CDON: variants seen among roughly 807,000 people sequenced by gnomAD.
CDON encodes cell adhesion molecule-related/down-regulated by oncogenes.
CDON carries 73 observed loss-of-function variants against 120.9 expected under a neutral mutation model. The ratio of observed to expected loss-of-function variants is 0.60; its 90% CI spans 0.50 to 0.73. The LOEUF is 0.73. Among genes scored for constraint, CDON ranks in the 30% least tolerant of loss-of-function variants. The pLI is 0.00. For missense variants in CDON, 1,470 were observed against 1,587.3 expected (o/e 0.93, Z 1.26); for synonymous variants, 566 against 573.5 (o/e 0.99, Z 0.19).
intron 1 of CDON, among the ~76,000 whole-genome samples, chr11:126,025,627 A>C (rs1263449097): frequency 6.6e-6 from 1 of 152,180 alleles, no homozygotes; most frequent in African/African-American, 2.4e-5. Context: ...CAAGAATGTG[A>C]GCAAAAATCA....
intron 9 of CDON, 112 bp downstream of exon 9, chr11:126,005,647 G>T (rs554439131): frequency 2.0e-6 from 2 of 993,858 alleles, no homozygotes; most frequent in South Asian, 1.3e-5. Flanking sequence ...CATCAGTCTG[G>T]AAGACTCTTG....
At chr11:126,038,281 T>A (rs1196918411) in intron 1 of CDON, among the ~76,000 whole-genome samples, 1 of 152,138 alleles carries the variant, frequency 6.6e-6, no homozygotes, top group Admixed American at 6.5e-5. Context: ...ATCTGTAGAA[T>A]TCTGGAAAGA....
chr11:126,026,077 A>C (rs1004346224), intron 1 of CDON, among the ~76,000 whole-genome samples: 5 of 152,256 alleles, frequency 3.3e-5, no homozygotes, highest in African/African-American at 1.2e-4. Flanking sequence ...CCTAGCAGAA[A>C]GTAGCTTTTT....
intron 6 of CDON, 34 bp from the exon 7 acceptor site, chr11:126,015,544 C>T (rs373982444): frequency 2.7e-5 from 44 of 1,607,008 alleles, no homozygotes; most frequent in Non-Finnish European, 3.5e-5. Flanking sequence ...AACTCTAGCC[C>T]TCAAAATGTA....
At chr11:125,981,357 C>T (rs1946292242) in intron 16 of CDON, 28 bp from the exon 17 acceptor site, 10 of 1,362,664 alleles carry the variant, frequency 7.3e-6, no homozygotes, top group African/African-American at 1.4e-5. Flanking sequence ...AAAAGACACA[C>T]ACGCACACAC....
chr11:125,992,236 C>T (rs1419767389), intron 14 of CDON, among the ~76,000 whole-genome samples: 1 of 152,136 alleles, frequency 6.6e-6, no homozygotes, highest in Non-Finnish European at 1.5e-5. Flanking sequence ...GGAGGACAAT[C>T]ACTATTAGGT....
chr11:125,983,771 T>C (rs1014934633), intron 16 of CDON, 101 bp downstream of exon 16: 3 of 869,824 alleles, frequency 3.4e-6, no homozygotes, highest in Admixed American at 4.0e-5. Flanking sequence ...TTTCATACCA[T>C]GACACTAATA....
intron 1 of CDON, among the ~76,000 whole-genome samples, chr11:126,024,248 CTTAGAGGACACAGAGAAGGGGAATGATG>C (rs1000179138): frequency 4.0e-4 from 61 of 152,264 alleles, no homozygotes; most frequent in African/African-American, 1.5e-3. Flanking sequence ...AGAGCAAACC[CTTAGAGGACACAGAGAAGGGGAATGATG>C]TAATGTTATT....
At chr11:126,035,873 C>T (rs1948080244) in intron 1 of CDON, among the ~76,000 whole-genome samples, 1 of 152,018 alleles carries the variant, frequency 6.6e-6, no homozygotes, top group African/African-American at 2.4e-5. Flanking sequence ...CAGAAAAGCC[C>T]GAGAAGTGGC....
At chr11:126,001,884 A>T (rs770052141) in intron 10 of CDON, 34 bp from the exon 11 acceptor site, 2 of 1,490,810 alleles carry the variant, frequency 1.3e-6, no homozygotes, top group Non-Finnish European at 1.9e-6. Context: ...CAGTAACATA[A>T]GCATATATGT....
intron 9 of CDON, 43 bp downstream of exon 9, chr11:126,005,716 T>C: frequency 6.4e-7 from 1 of 1,573,972 alleles, no homozygotes; most frequent in Non-Finnish European, 8.7e-7. Flanking sequence ...ACAAAGAACG[T>C]TCAGGTGTGA....
chr11:125,972,434 AC>A (rs1946028956), intron 18 of CDON, among the ~76,000 whole-genome samples: 1 of 152,092 alleles, frequency 6.6e-6, no homozygotes, highest in Non-Finnish European at 1.5e-5. Context: ...CTCAAAAAAA[AC>A]AAAAGAAAAT....
intron 1 of CDON, among the ~76,000 whole-genome samples, chr11:126,042,558 C>A (rs932740880): frequency 9.9e-5 from 15 of 152,178 alleles, no homozygotes; most frequent in African/African-American, 3.6e-4. Context: ...ATAATAACAG[C>A]TACCAATTAT....
intron 1 of CDON, among the ~76,000 whole-genome samples, chr11:126,044,354 C>T (rs930436493): frequency 2.0e-5 from 3 of 152,044 alleles, no homozygotes; most frequent in Admixed American, 6.5e-5. Flanking sequence ...TAACAGACTA[C>T]GGTAAGATCT....
At position 126,001,798 on chromosome 11, in the gene CDON, G is replaced by C. The variant is rs1428947026; in HGVS notation, c.2079C>G (p.Ile693Met). ...CCTCTGAAACAACGGGATACTTAGG[G>C]ATGCCCACGGGTGGAGAGGATGCCT... ...NTQASSPPVG[I>M]PKYPVVSEAA... Residue 693 changes from isoleucine (I) to methionine (M), a missense_variant, in exon 11 of 20, where the codon ATC becomes ATG. Coordinates refer to ENST00000531738, the MANE Select transcript of CDON (RefSeq NM_001378964.1). 3.7e-6 allele frequency: 6 copies of C among 1,611,424 alleles called. No individual in the cohort carries two copies. Among genetic ancestry groups the C allele is most frequent in the Middle Eastern group, 3.3e-4 (2 of 6,082 alleles).
At chr11:126,038,879 T>C (rs894850498) in intron 1 of CDON, among the ~76,000 whole-genome samples, 6 of 152,210 alleles carry the variant, frequency 3.9e-5, no homozygotes, top group African/African-American at 9.6e-5. Flanking sequence ...ATAATTTTGT[T>C]GATTTAAATT....
chr11:126,032,437 C>A (rs1346642971), intron 1 of CDON, among the ~76,000 whole-genome samples: 2 of 152,050 alleles, frequency 1.3e-5, no homozygotes, highest in African/African-American at 4.8e-5. Context: ...GGGAAAGCAA[C>A]ATAAATGAGC....
rs763031665 is a variant in CDON, at chr11:125,989,649, A to G, written c.2761T>C (p.Cys921Arg). 25 of 1,613,196 alleles carry G rather than the reference A, an allele frequency of 1.5e-5. No individual in the cohort carries two copies. The highest frequency in any genetic ancestry group is 2.0e-5 in the Non-Finnish European group (23 of 1,179,456). The change falls in exon 15 of 20, where the codon TGC becomes CGC. Residue 921 changes from cysteine (C) to arginine (R), a missense_variant. By Grantham distance (180) the Cys-to-Arg change is radical. Transcript: ENST00000531738. ...GESEFSNVMI[C>R]ETKVKRVPGA... ...AAAATTCTCCTACCTTTAGTCTCGCAGATCATCACATTGCTAAATTCACTT... is the reference window on the plus strand; with the variant it reads ...AAAATTCTCCTACCTTTAGTCTCGCGGATCATCACATTGCTAAATTCACTT...
intron 1 of CDON, among the ~76,000 whole-genome samples, chr11:126,049,295 A>G (rs1948495234): frequency 6.6e-6 from 1 of 152,178 alleles, no homozygotes; most frequent in South Asian, 2.1e-4. Flanking sequence ...CTGATATTAT[A>G]TGAGCTCTGT....
Sources: gnomAD v4.1 joint callset for allele counts (sites outside exome capture counted in the v4.1 genomes callset) on GRCh38, gnomAD v4.1.1 for gene constraint, MANE v1.5 for transcripts, NCBI Gene and HGNC (gene_info 2026-07-23, HGNC 2026-07-21) for gene names.